PTK2B: variants seen among roughly 807,000 people sequenced by gnomAD.
The protein encoded by PTK2B is protein tyrosine kinase 2 beta, also known as protein-tyrosine kinase 2-beta.
PTK2B carries 71 observed loss-of-function variants against 142.9 expected under a neutral mutation model. The observed-to-expected ratio is 0.50, with a 90% confidence interval of 0.41 to 0.61. The LOEUF (loss-of-function observed/expected upper bound fraction) is 0.61, where lower values mean the gene tolerates loss of function less well. PTK2B is among the 20% of genes least tolerant of loss of function. The pLI is 0.00. For synonymous variants in PTK2B, 519 were observed against 503.4 expected (o/e 1.03, Z -0.42); for missense variants, 1,105 against 1,320.4 (o/e 0.84, Z 2.53).
At chr8:27,371,212 GC>G (rs1295969820) in intron 1 of PTK2B, among the ~76,000 whole-genome samples, 1 of 152,052 alleles carries the variant, frequency 6.6e-6, no homozygotes, top group Non-Finnish European at 1.5e-5. Context: ...GTCTTTATAA[GC>G]CCCAGTGGAA....
intron 1 of PTK2B, among the ~76,000 whole-genome samples, chr8:27,328,645 A>G (rs187035080): frequency 4.7e-4 from 72 of 152,298 alleles, no homozygotes; most frequent in African/African-American, 1.6e-3. Flanking sequence ...GAAACGTTCA[A>G]ATGAGCCTGC....
intron 1 of PTK2B, among the ~76,000 whole-genome samples, chr8:27,354,708 A>G (rs938741220): frequency 3.9e-5 from 6 of 152,188 alleles, no homozygotes; most frequent in Non-Finnish European, 8.8e-5. Flanking sequence ...ATGTCAATAA[A>G]TCATTTACAT....
At chr8:27,400,752 C>T (rs1808329853) in intron 2 of PTK2B, among the ~76,000 whole-genome samples, 1 of 152,158 alleles carries the variant, frequency 6.6e-6, no homozygotes, top group African/African-American at 2.4e-5. Context: ...TTCAGCTTTA[C>T]ATGTGTTGTG....
chr8:27,419,760 C>G, intron 2 of PTK2B, 135 bp from the exon 3 acceptor site: 1 of 924,546 alleles, frequency 1.1e-6, no homozygotes, highest in Non-Finnish European at 1.6e-6. Context: ...CCCCTAAATG[C>G]TAGAGAATCA....
intron 1 of PTK2B, among the ~76,000 whole-genome samples, chr8:27,352,701 G>A (rs1033657833): frequency 1.2e-4 from 19 of 152,306 alleles, no homozygotes; most frequent in African/African-American, 4.3e-4. Context: ...TGGTGAATAT[G>A]TCTTGTGAGA....
intron 1 of PTK2B, among the ~76,000 whole-genome samples, chr8:27,391,580 G>A (rs1362610978): frequency 6.6e-6 from 1 of 152,150 alleles, no homozygotes; most frequent in East Asian, 1.9e-4. Context: ...TGTAACCCTA[G>A]CATCTCCCCT....
At chr8:27,327,114 A>C (rs1367941651) in intron 1 of PTK2B, among the ~76,000 whole-genome samples, 1 of 152,166 alleles carries the variant, frequency 6.6e-6, no homozygotes, top group East Asian at 1.9e-4. Flanking sequence ...GCAAGTGCAG[A>C]GACTGGAGGC....
chr8:27,399,544 G>A (rs1808254090), intron 2 of PTK2B, among the ~76,000 whole-genome samples: 2 of 152,154 alleles, frequency 1.3e-5, no homozygotes, highest in South Asian at 4.1e-4. Context: ...TTTAAGCAGG[G>A]GCAAGATATT....
chr8:27,381,777 A>G lies in PTK2B; in HGVS notation c.-37-15771A>G, dbSNP rs138259461. Among the ~76,000 whole-genome samples the G allele has an allele frequency of 6.4e-3, 971 of 152,312 alleles. 8 individuals carry two copies. Among genetic ancestry groups the G allele is most frequent in the African/African-American group, 0.021 (884 of 41,574 alleles). On this transcript the variant is annotated intron_variant, in intron 1 of 30. Coordinates refer to ENST00000346049, the MANE Select transcript of PTK2B (RefSeq NM_173176.3). ...TATACTAATTTACATTCCCACCAAT[A>G]GCGTTTAGGAGTTCTCTTTTCTCAA... is the stretch of plus-strand genomic sequence containing the variant.
chr8:27,411,546 A>G (rs921293268), intron 2 of PTK2B, among the ~76,000 whole-genome samples: 2 of 152,220 alleles, frequency 1.3e-5, no homozygotes, highest in Non-Finnish European at 2.9e-5. Flanking sequence ...GCAGCTTAAC[A>G]TGATGAGGCT....
At chr8:27,428,591 T>C (rs552767770) in intron 5 of PTK2B, among the ~76,000 whole-genome samples, 5 of 152,330 alleles carry the variant, frequency 3.3e-5, no homozygotes, top group Admixed American at 1.3e-4. Flanking sequence ...GGCTGGATAC[T>C]TCTTTGTTAG....
chr8:27,379,667 C>T (rs1806892147), intron 1 of PTK2B, among the ~76,000 whole-genome samples: 2 of 152,202 alleles, frequency 1.3e-5, no homozygotes, highest in Admixed American at 1.3e-4. Context: ...AAGTAGTCTC[C>T]TCATTACTTA....
intron 1 of PTK2B, among the ~76,000 whole-genome samples, chr8:27,370,986 C>G (rs117815102): frequency 6.6e-6 from 1 of 151,984 alleles, no homozygotes; most frequent in Non-Finnish European, 1.5e-5. Context: ...GCCTCTGCCT[C>G]CTGGGTTCAA....
chr8:27,348,858 A>G (rs1804874747), intron 1 of PTK2B, among the ~76,000 whole-genome samples: 1 of 151,994 alleles, frequency 6.6e-6, no homozygotes, highest in South Asian at 2.1e-4. Context: ...ACCAAGCCAC[A>G]TCCCCCTGCA....
chr8:27,454,789 G>A (rs1434413115), intron 30 of PTK2B, among the ~76,000 whole-genome samples, 178 bp downstream of exon 30: 2 of 152,134 alleles, frequency 1.3e-5, no homozygotes, highest in African/African-American at 2.4e-5. Context: ...GGGCACCCAG[G>A]GACCTGGCCA....
chr8:27,386,076 TTG>T (rs1267955375), intron 1 of PTK2B, among the ~76,000 whole-genome samples: 1 of 152,168 alleles, frequency 6.6e-6, no homozygotes, highest in Non-Finnish European at 1.5e-5. Flanking sequence ...TAAATGTGGA[TTG>T]TGTTTTTATG....
intron 2 of PTK2B, among the ~76,000 whole-genome samples, chr8:27,402,386 T>C (rs1808435675): frequency 6.6e-6 from 1 of 152,128 alleles, no homozygotes; most frequent in African/African-American, 2.4e-5. Flanking sequence ...TTGAGACACA[T>C]TAACATCTTC....
chr8:27,381,434 T>C (rs944407080), intron 1 of PTK2B, among the ~76,000 whole-genome samples: 1 of 152,202 alleles, frequency 6.6e-6, no homozygotes, highest in Non-Finnish European at 1.5e-5. Context: ...GAAAATATAG[T>C]ATTTCTCTTT....
intron 10 of PTK2B, among the ~76,000 whole-genome samples, chr8:27,433,113 C>T (rs1810543145): frequency 1.3e-5 from 2 of 152,220 alleles, no homozygotes; most frequent in Admixed American, 1.3e-4. Flanking sequence ...AGGCATGAGC[C>T]ACTGTGCCCA....
Sources: allele counts gnomAD v4.1 joint callset (sites outside exome capture counted in the v4.1 genomes callset), GRCh38; gene constraint gnomAD v4.1.1; transcripts MANE v1.5; gene names NCBI Gene and HGNC (gene_info 2026-07-23, HGNC 2026-07-21).